Variants in PTPRC observed in about 807,000 individuals in gnomAD.
PTPRC encodes receptor-type tyrosine-protein phosphatase C.
Under a neutral mutation model 155.9 loss-of-function variants are expected in PTPRC, and 44 were observed. The observed-to-expected ratio is 0.28, with a 90% confidence interval of 0.22 to 0.36. The LOEUF is 0.36. PTPRC is among the 10% of genes least tolerant of loss of function. The pLI is 1.00. For synonymous variants in PTPRC, 525 were observed against 533.1 expected, an observed-to-expected ratio of 0.98 and a Z score of 0.21; for missense variants, 1,401 against 1,564.6, an observed-to-expected ratio of 0.90 and a Z score of 1.76.
chr1:198,668,653 A>G (rs933448767), intron 2 of PTPRC, among the ~76,000 whole-genome samples: 6 of 152,250 alleles, frequency 3.9e-5, no homozygotes, highest in Non-Finnish European at 5.9e-5. Context: ...AATTCTAATT[A>G]CATAGTTTAT....
At chr1:198,639,184 G>A in intron 1 of PTPRC, 42 bp from the exon 2 acceptor site, 6 of 1,115,082 alleles carry the variant, frequency 5.4e-6, no homozygotes, top group Non-Finnish European at 4.1e-6. Context: ...CGTTTTTACA[G>A]AGAAAAACTT....
At chr1:198,722,238 A>G (rs1653922912) in intron 14 of PTPRC, among the ~76,000 whole-genome samples, 178 bp from the exon 15 acceptor site, 1 of 150,396 alleles carries the variant, frequency 6.6e-6, no homozygotes, top group South Asian at 2.1e-4. Flanking sequence ...TTGTCTTTTC[A>G]AATATATTTG....
At chr1:198,738,435 T>A (rs1019107499) in intron 23 of PTPRC, among the ~76,000 whole-genome samples, 2 of 151,994 alleles carry the variant, frequency 1.3e-5, no homozygotes, top group Admixed American at 1.3e-4. Flanking sequence ...ATTCTGTTGA[T>A]ATAATGTATC....
intron 31 of PTPRC, 90 bp downstream of exon 31, chr1:198,752,862 G>GAAAC: frequency 7.1e-7 from 1 of 1,415,592 alleles, no homozygotes; most frequent in Non-Finnish European, 9.8e-7. Flanking sequence ...CCTCATATAT[G>GAAAC]AAACACATAA....
chr1:198,754,453 C>CTTTT (rs1433640096), intron 32 of PTPRC, 49 bp downstream of exon 32: 1 of 1,595,574 alleles, frequency 6.3e-7, no homozygotes, highest in Non-Finnish European at 8.6e-7. Context: ...TTTTTTTTTT[C>CTTTT]TTTTTGACGG....
At chr1:198,696,453 G>T (rs1000483770) in intron 3 of PTPRC, among the ~76,000 whole-genome samples, 9 of 151,618 alleles carry the variant, frequency 5.9e-5, no homozygotes, top group Admixed American at 5.3e-4. Context: ...GCTTGTTTTA[G>T]ATCTGTGTCT....
At chr1:198,738,792 G>A (rs1256629252) in intron 23 of PTPRC, among the ~76,000 whole-genome samples, 1 of 151,634 alleles carries the variant, frequency 6.6e-6, no homozygotes, top group Non-Finnish European at 1.5e-5. Context: ...GCTTTTCTTT[G>A]CTGGGAAACT....
At chr1:198,657,042 G>GTA (rs1663626976) in intron 2 of PTPRC, among the ~76,000 whole-genome samples, 1 of 150,216 alleles carries the variant, frequency 6.7e-6, no homozygotes, top group Admixed American at 6.7e-5. Context: ...TACATATAGT[G>GTA]TATATATATA....
chr1:198,742,931 G>A (rs1318495428), intron 25 of PTPRC, among the ~76,000 whole-genome samples: 1 of 151,678 alleles, frequency 6.6e-6, no homozygotes, highest in East Asian at 2.0e-4. Context: ...TATGCATTTG[G>A]TGATTGTAAG....
At chr1:198,711,399 A>T (rs1653303207) in intron 11 of PTPRC, among the ~76,000 whole-genome samples, 1 of 152,166 alleles carries the variant, frequency 6.6e-6, no homozygotes. Flanking sequence ...TGGGGGAAAA[A>T]TAGTCTTTTC....
Position 198,647,350 on chromosome 1 carries a change from A to G in PTPRC, c.73+8009A>G, listed in dbSNP as rs562102479. Among the ~76,000 whole-genome samples, 4 of 152,032 alleles carry G rather than the reference A, an allele frequency of 2.6e-5. No homozygotes were observed. The East Asian group carries it at 7.8e-4, about 29-fold the overall frequency. ...TATTTGCCAGTGCCTGCAGGTCCTCAGTACCTGTTTGCTGAACAAACGAAT... is the reference window on the plus strand; with the variant it reads ...TATTTGCCAGTGCCTGCAGGTCCTCGGTACCTGTTTGCTGAACAAACGAAT... On this transcript the variant is annotated intron_variant, in intron 2 of 32. Coordinates refer to ENST00000442510, the MANE Select transcript of PTPRC (RefSeq NM_002838.5).
rs1553245356 is a variant in PTPRC, at chr1:198,748,105, T to TC, written c.2848-3dup. 1 of 1,576,564 alleles carries TC rather than the reference T, an allele frequency of 6.3e-7. No individual in the cohort carries two copies. Among genetic ancestry groups the TC allele is most frequent in the Non-Finnish European group, 8.6e-7 (1 of 1,165,352 alleles). On this transcript the variant is annotated splice_region_variant and splice_polypyrimidine_tract_variant and intron_variant, in intron 26 of 32. Coordinates refer to ENST00000442510, the MANE Select transcript of PTPRC (RefSeq NM_002838.5). ...AGTTTTTCTGTTTTTTTTTTTTTTT[T>TC]CAGAGACTTCCTTCATATAGGAGCT...
chr1:198,711,217 C>A (rs1653293902), intron 11 of PTPRC, among the ~76,000 whole-genome samples: 1 of 152,092 alleles, frequency 6.6e-6, no homozygotes, highest in African/African-American at 2.4e-5. Flanking sequence ...TAATATATAG[C>A]TACAAGAACA....
Position 198,639,225 on chromosome 1 carries a change from G to A in PTPRC, c.-43-1G>A. On this transcript the variant is annotated splice_acceptor_variant, in intron 1 of 32. Transcript: ENST00000442510. LOFTEE classifies it low-confidence loss of function (5UTR_SPLICE). ...GAGATAACAATTATTTTGCTTTTCA[G>A]AAGGACGCATGCTGTTTCTTAGGGA... 1.9e-6 allele frequency: 3 copies of A among 1,549,710 alleles called. No individual in the cohort carries two copies. The highest frequency in any genetic ancestry group is 2.7e-6 in the Non-Finnish European group (3 of 1,121,692).
intron 2 of PTPRC, among the ~76,000 whole-genome samples, chr1:198,641,047 A>G (rs1448293154): frequency 6.6e-6 from 1 of 152,022 alleles, no homozygotes; most frequent in Non-Finnish European, 1.5e-5. Flanking sequence ...AATGATTTAT[A>G]CCATAGCAAA....
chr1:198,684,016 A>G (rs963078884), intron 2 of PTPRC, among the ~76,000 whole-genome samples: 3 of 151,970 alleles, frequency 2.0e-5, no homozygotes, highest in African/African-American at 7.2e-5. Flanking sequence ...TGTAGCATGA[A>G]TTACTTCTGA....
chr1:198,653,545 A>C (rs1557969147), intron 2 of PTPRC, among the ~76,000 whole-genome samples: 1 of 151,888 alleles, frequency 6.6e-6, no homozygotes, highest in Non-Finnish European at 1.5e-5. Context: ...TCTGTAATTA[A>C]TCTATTCTAT....
At chr1:198,695,055 A>T (rs1335444226) in intron 3 of PTPRC, 1 of 929,916 alleles carries the variant, frequency 1.1e-6, no homozygotes, top group Non-Finnish European at 1.3e-6. Flanking sequence ...GTAATCACAG[A>T]ATAGTTCTGC....
At chr1:198,748,245 T>A (rs1325651451) in intron 27 of PTPRC, 46 bp downstream of exon 27, 3 of 1,558,662 alleles carry the variant, frequency 1.9e-6, no homozygotes, top group Non-Finnish European at 2.6e-6. Context: ...AAAGTTAAGC[T>A]CTTTTGGATT....
Sources: gnomAD v4.1 joint callset for allele counts (sites outside exome capture counted in the v4.1 genomes callset) on GRCh38, gnomAD v4.1.1 for gene constraint, MANE v1.5 for transcripts, NCBI Gene and HGNC (gene_info 2026-07-23, HGNC 2026-07-21) for gene names.